The following RHNO1 variants were observed in gnomAD, a reference collection of about 807,000 sequenced individuals.
RHNO1 encodes the protein RAD9, HUS1, RAD1-interacting nuclear orphan protein 1.
A neutral mutation model predicts 7.2 loss-of-function variants in RHNO1; 9 were observed. The ratio of observed to expected loss-of-function variants is 1.25; its 90% confidence interval spans 0.75 to 2.18. The LOEUF (loss-of-function observed/expected upper bound fraction) is 2.18, where lower values mean the gene tolerates loss of function less well. Ranked by LOEUF, RHNO1 falls within the 30% of genes most tolerant of loss-of-function variation. The pLI, the probability that RHNO1 is intolerant of heterozygous loss-of-function variation, is 0.00. For synonymous variants in RHNO1, 95 were observed against 107.5 expected (o/e 0.88, Z 0.72); for missense variants, 292 against 284.5 (o/e 1.03, Z -0.19).
chr12:2,882,544 A>G (rs1216321044), intron 1 of RHNO1, among the ~76,000 whole-genome samples: 6 of 151,834 alleles, frequency 4.0e-5, no homozygotes, highest in African/African-American at 1.2e-4. Flanking sequence ...CTCTACTTAA[A>G]ATATAAAAAT....
chr12:2,879,044 G>C (rs1305462232), intron 1 of RHNO1, among the ~76,000 whole-genome samples: 1 of 151,774 alleles, frequency 6.6e-6, no homozygotes, highest in African/African-American at 2.4e-5. Flanking sequence ...CTGTCCCCCA[G>C]GCTGAAGTCC....
chr12:2,887,839 G>A (rs539349151), intron 2 of RHNO1, 72 bp from the exon 3 acceptor site: 1 of 1,243,468 alleles, frequency 8.0e-7, no homozygotes, highest in East Asian at 2.4e-5. Flanking sequence ...TAAGAGTCTG[G>A]TCATCAGATA....
Position 2,888,109 on chromosome 12 carries a change from G to T in RHNO1, c.367G>T (p.Val123Phe). The T allele has an allele frequency of 6.2e-7, 1 of 1,613,980 alleles. No homozygotes were observed. Among genetic ancestry groups the T allele is most frequent in the Non-Finnish European group, 8.5e-7 (1 of 1,179,974 alleles). The stretch of plus-strand genomic sequence containing the variant: ...GTGCCCCAGTGAATCAGAAAAGGAT[G>T]TTTCCAGAAGACCCTTAGTTCCAGT... ...RECPSESEKD[V>F]SRRPLVPVLS... is the part of the protein sequence containing the mutation. The change falls in exon 3 of 3, where the codon GTT (valine) becomes TTT (phenylalanine). Residue 123 changes from valine (V) to phenylalanine (F), a missense_variant. Val to Phe is a conservative substitution (Grantham distance 50). Coordinates refer to ENST00000489288, the MANE Select transcript of RHNO1 (RefSeq NM_001252499.3).
Position 2,885,426 on chromosome 12 carries a change from A to G in RHNO1, c.60A>G (p.Gln20=), listed in dbSNP as rs1426588865. The G allele has an allele frequency of 7.4e-6, 12 of 1,613,882 alleles. No homozygotes were observed. Among genetic ancestry groups the G allele is most frequent in the African/African-American group, 1.3e-5 (1 of 74,886 alleles). ...PSQKAPLLFH[Q]QPLEGPKHSC... ...AGAAAGCCCCGCTGCTGTTCCACCAACAACCACTGGAGGGCCCCAAACACA... is the reference window on the plus strand; with the variant it reads ...AGAAAGCCCCGCTGCTGTTCCACCAGCAACCACTGGAGGGCCCCAAACACA... The change falls in exon 2 of 3, where the codon CAA becomes CAG. Residue 20 remains glutamine, a synonymous_variant. Transcript: ENST00000489288.
chr12:2,881,654 C>G (rs1181514084), intron 1 of RHNO1, among the ~76,000 whole-genome samples: 2 of 151,984 alleles, frequency 1.3e-5, no homozygotes, highest in African/African-American at 4.8e-5. Flanking sequence ...CGCCTGTAAT[C>G]CCAGCACTTT....
At chr12:2,879,327 A>ATT (rs63461760) in intron 1 of RHNO1, among the ~76,000 whole-genome samples, 5 of 150,110 alleles carry the variant, frequency 3.3e-5, no homozygotes, top group Admixed American at 6.6e-5. Flanking sequence ...AACTTGTTGA[A>ATT]TTTTTTTTTC....
intron 2 of RHNO1, chr12:2,886,150 G>C (rs1319658324): frequency 6.6e-6 from 1 of 152,144 alleles, no homozygotes; most frequent in East Asian, 1.9e-4. Context: ...TCCTCTGAAA[G>C]AGTTCATTGT....
rs2153945713 is a variant in RHNO1 at position 2,885,393 on chromosome 12, G to T, written c.27G>T (p.Gln9His). The change falls in exon 2 of 3, where the codon CAG becomes CAT. Residue 9 changes from glutamine to histidine, a missense_variant. Gln to His is a conservative substitution (Grantham distance 24). Transcript: ENST00000489288. ...TGCCTCCCAGAAAAAAACGCCGCCA[G>T]CCTTCCCAGAAAGCCCCGCTGCTGT... MPPRKKRR[Q>H]PSQKAPLLFH... The T allele has an allele frequency of 6.2e-7, 1 of 1,613,452 alleles. No homozygotes were observed. The highest frequency in any genetic ancestry group is 1.1e-5 in the South Asian group (1 of 91,030).
At position 2,883,495 on chromosome 12, in the gene RHNO1, ATATATATATATATATATTTTTTTT is replaced by A. The variant is rs1292663350; in HGVS notation, c.-84-1786_-84-1763del. On this transcript the variant is annotated intron_variant, in intron 1 of 2. Transcript: ENST00000489288. ...GGATAGAATATATATATATATATAT[ATATATATATATATATATTTTTTTT>A]TTTTTTTTTTTTTTTGAGACGGAGT... 2.8e-4 allele frequency among the ~76,000 whole-genome samples: 6 copies of A among 21,330 alleles called. 1 individual carries two copies. Among genetic ancestry groups the A allele is most frequent in the African/African-American group, 1.8e-3 (6 of 3,396 alleles). The allele number at this position is 21,330 out of a possible 152,430, so 14.0% of individuals were successfully genotyped here. A position where few individuals can be genotyped will look rare whatever the true frequency, so the allele number is the denominator to read the frequency against.
chr12:2,881,633 A>G (rs2098157782), intron 1 of RHNO1, among the ~76,000 whole-genome samples: 2 of 152,132 alleles, frequency 1.3e-5, no homozygotes, highest in East Asian at 1.9e-4. Flanking sequence ...TTGGCTGGAC[A>G]TGGTGGCTCA....
At chr12:2,876,925 G>A (rs1565482912), upstream of RHNO1, 1 of 152,288 alleles carries the variant, frequency 6.6e-6, no homozygotes, top group Non-Finnish European at 1.5e-5. Context: ...CTCACCTCCA[G>A]ACTGCAGTCG....
chr12:2,884,887 C>G (rs1158160992), intron 1 of RHNO1, among the ~76,000 whole-genome samples: 1 of 152,146 alleles, frequency 6.6e-6, no homozygotes, highest in African/African-American at 2.4e-5. Context: ...CAGGTATCTC[C>G]CTTTCCAGAA....
intron 1 of RHNO1, among the ~76,000 whole-genome samples, chr12:2,883,078 A>ACAAACAAAC (rs2098160309): frequency 6.7e-6 from 1 of 150,336 alleles, no homozygotes; most frequent in African/African-American, 2.5e-5. Flanking sequence ...AAAAAAAAAA[A>ACAAACAAAC]AAAAAAACAC....
chr12:2,876,980 T>A (rs1415675069), upstream of RHNO1: 1 of 151,820 alleles, frequency 6.6e-6, no homozygotes, highest in Non-Finnish European at 1.5e-5. Flanking sequence ...TCCGGGCTCC[T>A]CCAACCTGGG....
At chr12:2,885,866 CGCCCGGCCT>C (rs2098165038) in intron 2 of RHNO1, 1 of 164,380 alleles carries the variant, frequency 6.1e-6, no homozygotes, top group East Asian at 1.8e-4. Flanking sequence ...TGAACCACCG[CGCCCGGCCT>C]ACTTTGACTT....
Position 2,888,176 on chromosome 12 carries a change from T to C in RHNO1, c.434T>C (p.Leu145Pro). The C allele has an allele frequency of 6.2e-7, 1 of 1,614,176 alleles. No individual in the cohort carries two copies. Among genetic ancestry groups the C allele is most frequent in the Non-Finnish European group, 8.5e-7 (1 of 1,180,032 alleles). Residue 145 changes from leucine (L) to proline (P), a missense_variant, in exon 3 of 3, where the codon CTT becomes CCT. Leu to Pro is a moderately conservative substitution (Grantham distance 98). Transcript: ENST00000489288. Reference protein sequence around the residue: ...QSCGNMSVQALQSLPYVFIPP... With the variant: ...QSCGNMSVQAPQSLPYVFIPP... Reference sequence around the variant, plus strand: ...TGTGGGAACATGTCAGTGCAGGCACTTCAGAGCTTACCTTATGTGTTCATT... The same window carrying C: ...TGTGGGAACATGTCAGTGCAGGCACCTCAGAGCTTACCTTATGTGTTCATT...
At chr12:2,884,806 G>C (rs887553282) in intron 1 of RHNO1, among the ~76,000 whole-genome samples, 3 of 151,882 alleles carry the variant, frequency 2.0e-5, no homozygotes, top group Admixed American at 6.6e-5. Flanking sequence ...CCATGCCTTT[G>C]TGTACACTGT....
At chr12:2,878,358 C>G (rs980894779) in intron 1 of RHNO1, among the ~76,000 whole-genome samples, 1 of 150,662 alleles carries the variant, frequency 6.6e-6, no homozygotes, top group African/African-American at 2.5e-5. Flanking sequence ...GGGAATCAGG[C>G]GTGCAAAGGC....
rs1270776614 is a variant in RHNO1 at position 2,883,489 on chromosome 12, ATATATATATATATATATATATATTT to A, written c.-84-1792_-84-1768del. On this transcript the variant is annotated intron_variant, in intron 1 of 2. Coordinates refer to ENST00000489288, the MANE Select transcript of RHNO1 (RefSeq NM_001252499.3). Reference sequence around the variant, plus strand: ...TGGGAAGGATAGAATATATATATATATATATATATATATATATATATATTTTTTTTTTTTTTTTTTTTTTTGAGAC... The same window carrying A: ...TGGGAAGGATAGAATATATATATATATTTTTTTTTTTTTTTTTTTTGAGAC... Among the ~76,000 whole-genome samples the A allele has an allele frequency of 1.9e-3, 36 of 19,008 alleles. No homozygotes were observed. The East Asian group carries it at 0.056, about 29-fold the overall frequency. The allele number at this position is 19,008 out of a possible 152,430, so 12.5% of individuals were successfully genotyped here. A position where few individuals can be genotyped will look rare whatever the true frequency, so the allele number is the denominator to read the frequency against.
Sources: gnomAD v4.1 joint callset for allele counts (sites outside exome capture counted in the v4.1 genomes callset) on GRCh38, gnomAD v4.1.1 for gene constraint, MANE v1.5 for transcripts, NCBI Gene and HGNC (gene_info 2026-07-23, HGNC 2026-07-21) for gene names.